The following CDKL4 variants were observed in gnomAD, a reference collection of about 807,000 sequenced individuals.
The protein encoded by CDKL4 is cyclin dependent kinase like 4.
CDKL4 carries 44 observed loss-of-function variants against 42.0 expected under a neutral mutation model. That is an observed-to-expected ratio of 1.05 (90% CI 0.82 to 1.35). The LOEUF (loss-of-function observed/expected upper bound fraction) is 1.35, where lower values mean the gene tolerates loss of function less well. CDKL4 is among the 40% of genes most tolerant of loss of function. The pLI is 0.00. For synonymous variants in CDKL4, 120 were observed against 121.6 expected (o/e 0.99, Z 0.09); for missense variants, 393 against 369.9 (o/e 1.06, Z -0.51).
intron 5 of CDKL4, among the ~76,000 whole-genome samples, chr2:39,199,829 G>T (rs1012563559): frequency 6.6e-6 from 1 of 151,932 alleles, no homozygotes; most frequent in Admixed American, 6.6e-5. Flanking sequence ...GCACAGAAGG[G>T]ACATATCTTA....
At chr2:39,208,847 C>T (rs903282398) in intron 4 of CDKL4, among the ~76,000 whole-genome samples, 5 of 151,404 alleles carry the variant, frequency 3.3e-5, no homozygotes, top group African/African-American at 1.2e-4. Flanking sequence ...AACAATAAAT[C>T]ATTTTTTTTA....
intron 9 of CDKL4, 28 bp from the exon 10 acceptor site, chr2:39,176,124 A>G: frequency 2.2e-6 from 1 of 452,350 alleles, no homozygotes; most frequent in Non-Finnish European, 4.5e-6. Flanking sequence ...CAACAATAAG[A>G]AAGCAAATTG....
At chr2:39,229,845 G>A (rs1420663612) in intron 1 of CDKL4, among the ~76,000 whole-genome samples, 1 of 152,188 alleles carries the variant, frequency 6.6e-6, no homozygotes, top group Admixed American at 6.5e-5. Flanking sequence ...TTGTGGAAAG[G>A]AAACTTATCC....
downstream of CDKL4, among the ~76,000 whole-genome samples, chr2:39,172,056 A>C (rs1675013915): frequency 6.6e-6 from 1 of 152,170 alleles, no homozygotes; most frequent in Non-Finnish European, 1.5e-5. Context: ...CATGATTGTA[A>C]TGCCAGCACT....
intron 4 of CDKL4, among the ~76,000 whole-genome samples, chr2:39,212,296 C>A (rs1677635301): frequency 6.6e-6 from 1 of 150,854 alleles, no homozygotes; most frequent in African/African-American, 2.4e-5. Flanking sequence ...TGCAGTGGCA[C>A]GATCTCGGCT....
At chr2:39,233,496 C>A (rs1023092759) in intron 1 of CDKL4, among the ~76,000 whole-genome samples, 2 of 152,150 alleles carry the variant, frequency 1.3e-5, no homozygotes, top group East Asian at 3.9e-4. Context: ...AATTGAAGGG[C>A]ATGCGAATCC....
At chr2:39,187,505 A>C (rs1214361380) in intron 7 of CDKL4, 122 bp downstream of exon 7, 1 of 668,554 alleles carries the variant, frequency 1.5e-6, no homozygotes, top group African/African-American at 1.9e-5. Context: ...TGACCTTGCC[A>C]CTGCACTCCA....
chr2:39,245,386 A>AC (rs1196118635), upstream of CDKL4, among the ~76,000 whole-genome samples: 1 of 151,718 alleles, frequency 6.6e-6, no homozygotes, highest in Non-Finnish European at 1.5e-5. Flanking sequence ...GAAGGAAGAA[A>AC]CCCCGAACAC....
At chr2:39,187,476 T>C (rs940870073) in intron 7 of CDKL4, 151 bp downstream of exon 7, 3 of 557,722 alleles carry the variant, frequency 5.4e-6, no homozygotes, top group Non-Finnish European at 9.3e-6. Context: ...GTCTCGGAGG[T>C]TGAGGCTGCA....
At chr2:39,211,104 T>A (rs1011067112) in intron 4 of CDKL4, among the ~76,000 whole-genome samples, 3 of 152,198 alleles carry the variant, frequency 2.0e-5, no homozygotes, top group South Asian at 2.1e-4. Context: ...GGGCTAGATA[T>A]ATTTTTTTAA....
At chr2:39,226,089 C>A in intron 2 of CDKL4, 129 bp from the exon 3 acceptor site, 1 of 854,218 alleles carries the variant, frequency 1.2e-6, no homozygotes, top group Non-Finnish European at 1.6e-6. Flanking sequence ...TAAGTGGTAA[C>A]AAAATTGCTT....
intron 5 of CDKL4, among the ~76,000 whole-genome samples, chr2:39,197,434 C>T (rs780686441): frequency 6.5e-4 from 99 of 152,164 alleles, no homozygotes; most frequent in Non-Finnish European, 2.2e-4. Context: ...AAAACTTCCC[C>T]GGCCTTGCTA....
chr2:39,243,390 A>G (rs1282900988), intron 1 of CDKL4, among the ~76,000 whole-genome samples: 1 of 152,258 alleles, frequency 6.6e-6, no homozygotes, highest in Admixed American at 6.5e-5. Flanking sequence ...AGTTGACAAT[A>G]CAATCAGACT....
At chr2:39,241,317 TAAAC>T (rs1030580719) in intron 1 of CDKL4, among the ~76,000 whole-genome samples, 6 of 152,196 alleles carry the variant, frequency 3.9e-5, no homozygotes, top group East Asian at 1.9e-4. Context: ...GAGCAAAACG[TAAAC>T]AGTGAGTCCA....
At chr2:39,237,096 T>C (rs907743217) in intron 1 of CDKL4, among the ~76,000 whole-genome samples, 2 of 152,072 alleles carry the variant, frequency 1.3e-5, no homozygotes, top group Non-Finnish European at 2.9e-5. Context: ...CAGATGAAAG[T>C]CAGACAAAGA....
chr2:39,189,114 C>G (rs1198150647), intron 6 of CDKL4, among the ~76,000 whole-genome samples: 2 of 152,186 alleles, frequency 1.3e-5, no homozygotes, highest in Admixed American at 1.3e-4. Context: ...ATTTTTCATG[C>G]TGCAGAATTT....
At chr2:39,230,570 T>C (rs1679037073) in intron 1 of CDKL4, among the ~76,000 whole-genome samples, 1 of 152,218 alleles carries the variant, frequency 6.6e-6, no homozygotes, top group Non-Finnish European at 1.5e-5. Flanking sequence ...GGTGACCGAA[T>C]TAAATATTAC....
At chr2:39,189,689 A>G (rs769872682) in intron 6 of CDKL4, among the ~76,000 whole-genome samples, 6 of 152,208 alleles carry the variant, frequency 3.9e-5, no homozygotes, top group Non-Finnish European at 4.4e-5. Context: ...TAAAAGTCAA[A>G]AAAGATTTTT....
chr2:39,197,781 C>T (rs1676606608), intron 5 of CDKL4, among the ~76,000 whole-genome samples: 1 of 151,964 alleles, frequency 6.6e-6, no homozygotes, highest in African/African-American at 2.4e-5. Flanking sequence ...TTCAGACAAA[C>T]AAATGCTGAG....
Sources: allele counts gnomAD v4.1 joint callset (sites outside exome capture counted in the v4.1 genomes callset), GRCh38; gene constraint gnomAD v4.1.1; transcripts MANE v1.5; gene names NCBI Gene and HGNC (gene_info 2026-07-23, HGNC 2026-07-21).